ZNF35: variants seen among roughly 807,000 people sequenced by gnomAD.
ZNF35 encodes zinc finger protein 35 (clone HF.10).
Under a neutral mutation model 45.9 loss-of-function variants are expected in ZNF35, and 31 were observed. The ratio of observed to expected loss-of-function variants is 0.68; its 90% CI spans 0.51 to 0.91. The LOEUF (loss-of-function observed/expected upper bound fraction) is 0.91, where lower values mean the gene tolerates loss of function less well. Among genes scored for constraint, ZNF35 ranks in the 40% least tolerant of loss-of-function variants. The probability of loss-of-function intolerance (pLI) is 0.00; values close to 1 mark genes in which losing one functional copy is unlikely to be tolerated. For synonymous variants in ZNF35, 205 were observed against 220.2 expected, an observed-to-expected ratio of 0.93 and a Z score of 0.61; for missense variants, 515 against 625.4, an observed-to-expected ratio of 0.82 and a Z score of 1.88.
Position 44,660,215 on chromosome 3 carries a change from G to C in ZNF35, c.*268G>C, listed in dbSNP as rs749394451. Reference sequence around the variant, plus strand: ...AGTGGAATGTGGCTTTCCTAGGAATGGGTCGTACAAAGCTAAGTGGTAATG... The same window carrying C: ...AGTGGAATGTGGCTTTCCTAGGAATCGGTCGTACAAAGCTAAGTGGTAATG... On this transcript the variant is annotated 3_prime_UTR_variant, in exon 4 of 4. Coordinates refer to ENST00000396056, the MANE Select transcript of ZNF35 (RefSeq NM_003420.4). 1.3e-5 allele frequency: 4 copies of C among 317,752 alleles called. No individual in the cohort carries two copies. The highest frequency in any genetic ancestry group is 2.3e-5 in the Non-Finnish European group (4 of 173,614). 19.7% of individuals were successfully genotyped at this position (317,752 alleles called of 1,614,324 possible).
At chr3:44,657,732 G>T (rs1487677297) in intron 3 of ZNF35, among the ~76,000 whole-genome samples, 3 of 152,156 alleles carry the variant, frequency 2.0e-5, no homozygotes, top group African/African-American at 7.2e-5. Flanking sequence ...CTGACACAAG[G>T]GTAAGAGTTT....
rs777749084 is a variant in ZNF35 at position 44,660,175 on chromosome 3, G to A, written c.*228G>A. ...ACTTTGTTTTAACTGTACCTTAAGC[G>A]GTCATGTTCTCTGAAGTGGAATGTG... On this transcript the variant is annotated 3_prime_UTR_variant, in exon 4 of 4. Transcript: ENST00000396056. 3.5e-5 allele frequency: 14 copies of A among 398,222 alleles called. No individual in the cohort carries two copies. Among genetic ancestry groups the A allele is most frequent in the East Asian group, 2.7e-4 (7 of 26,138 alleles). The allele number at this position is 398,222 out of a possible 1,614,324, so 24.7% of individuals were successfully genotyped here.
chr3:44,651,156 C>T lies in ZNF35; in HGVS notation c.89C>T (p.Pro30Leu). Residue 30 changes from proline (P) to leucine (L), a missense_variant, in exon 2 of 4, where the codon CCA becomes CTA. Transcript: ENST00000396056. The part of the protein sequence containing the change: ...KKEEEEEENF[P>L]GQASSQQVHS... ...GAGGAGGAAGAAGAAGAAAACTTCC[C>T]AGGTCAGGCATCCAGCCAACAAGTG... The T allele has an allele frequency of 6.2e-7, 1 of 1,614,124 alleles. No individual in the cohort carries two copies. Among genetic ancestry groups the T allele is most frequent in the Non-Finnish European group, 8.5e-7 (1 of 1,180,010 alleles).
chr3:44,657,915 T>C (rs985839271), intron 3 of ZNF35, among the ~76,000 whole-genome samples: 34 of 152,230 alleles, frequency 2.2e-4, no homozygotes, highest in African/African-American at 7.7e-4. Flanking sequence ...ATCTGAGTAG[T>C]TGACATAGAG....
chr3:44,651,847 AAG>A (rs1414832808), intron 2 of ZNF35, among the ~76,000 whole-genome samples: 1 of 151,930 alleles, frequency 6.6e-6, no homozygotes, highest in Non-Finnish European at 1.5e-5. Flanking sequence ...AAAAAAAAAA[AAG>A]AATCTAAGGG....
At position 44,658,956 on chromosome 3, in the gene ZNF35, A is replaced by C; in HGVS notation, c.593A>C (p.Lys198Thr). 1 of 1,614,080 alleles carries C rather than the reference A, an allele frequency of 6.2e-7. No homozygotes were observed. The highest frequency in any genetic ancestry group is 8.5e-7 in the Non-Finnish European group (1 of 1,180,022). Reference protein sequence around the residue: ...FKEEENQKCKKSGGKYSLNSG... With the variant: ...FKEEENQKCKTSGGKYSLNSG... Reference sequence around the variant, plus strand: ...GAAGAGGAAAACCAGAAATGTAAGAAATCTGGAGGAAAATATAGCCTTAAT... The same window carrying C: ...GAAGAGGAAAACCAGAAATGTAAGACATCTGGAGGAAAATATAGCCTTAAT... Residue 198 changes from lysine to threonine, a missense_variant, in exon 4 of 4, where the codon AAA (lysine) becomes ACA (threonine). Transcript: ENST00000396056.
Position 44,659,716 on chromosome 3 carries a change from T to C in ZNF35, c.1353T>C (p.Cys451=). 3 of 1,613,976 alleles carry C rather than the reference T, an allele frequency of 1.9e-6. No homozygotes were observed. The highest frequency in any genetic ancestry group is 2.5e-6 in the Non-Finnish European group (3 of 1,179,988). ...ATCTTCCTTACGTGTGTAATGAATG[T>C]GGGAAGGCCTTCACATGTAGCTCAT... ...SGDLPYVCNE[C]GKAFTCSSYL... is the part of the protein sequence containing the mutation. The change falls in exon 4 of 4, where the codon TGT becomes TGC. Residue 451 remains cysteine (C), a synonymous_variant. Transcript: ENST00000396056. The surrounding 1 kb of genome is among the most constrained non-coding windows in gnomAD (Gnocchi z 4.3).
upstream of ZNF35, chr3:44,647,815 G>C (rs1243474000): frequency 1.3e-5 from 2 of 152,188 alleles, no homozygotes; most frequent in Non-Finnish European, 2.9e-5. Flanking sequence ...AAAATGGGGA[G>C]AGGGTTGGAT....
At chr3:44,650,863 G>T in intron 1 of ZNF35, 78 bp from the exon 2 acceptor site, 1 of 507,820 alleles carries the variant, frequency 2.0e-6, no homozygotes, top group Non-Finnish European at 3.4e-6. Context: ...AAATTTGCCG[G>T]TGTGGCATCC....
At position 44,658,775 on chromosome 3, in the gene ZNF35, A is replaced by G. The variant is rs775514273; in HGVS notation, c.412A>G (p.Ile138Val). The change falls in exon 4 of 4, where the codon ATA becomes GTA. Residue 138 changes from isoleucine to valine, a missense_variant. Ile to Val is a conservative substitution (Grantham distance 29). This residue lies in a region of ZNF35 where 275 missense variants were observed against 295.7 expected (regional missense o/e 0.93). Coordinates refer to ENST00000396056, the MANE Select transcript of ZNF35 (RefSeq NM_003420.4). Reference protein sequence around the residue: ...ICEEAEKPLIISERIQKADPQ... With the variant: ...ICEEAEKPLIVSERIQKADPQ... ...TGAGGAAGCTGAAAAACCCCTCATC[A>G]TATCAGAAAGAATCCAGAAAGCTGA... 15 of 1,604,714 alleles carry G rather than the reference A, an allele frequency of 9.3e-6. No homozygotes were observed. The highest frequency in any genetic ancestry group is 4.5e-5 in the East Asian group (2 of 44,862).
At position 44,659,828 on chromosome 3, in the gene ZNF35, C is replaced by A. The variant is rs1445789534; in HGVS notation, c.1465C>A (p.Leu489Ile). The A allele has an allele frequency of 3.1e-6, 5 of 1,613,838 alleles. No individual in the cohort carries two copies. The South Asian group carries it at 5.5e-5, about 18-fold the overall frequency. Residue 489 changes from leucine (L) to isoleucine (I), a missense_variant, in exon 4 of 4, where the codon CTC becomes ATC. Leu to Ile is a conservative substitution (Grantham distance 5). This residue lies in a region of ZNF35 where 232 missense variants were observed against 304.6 expected (regional missense o/e 0.76). Coordinates refer to ENST00000396056, the MANE Select transcript of ZNF35 (RefSeq NM_003420.4). The surrounding 1 kb of genome is among the most constrained non-coding windows in gnomAD (Gnocchi z 4.3). ...GAAGGCCTTCAGACAGAGGTCGAGC[C>A]TCACCGTGCACCAGAGAACCCACAC... Reference protein sequence around the residue: ...CGKAFRQRSSLTVHQRTHTGE... With the variant: ...CGKAFRQRSSITVHQRTHTGE...
chr3:44,656,917 A>C (rs573751992), intron 3 of ZNF35, among the ~76,000 whole-genome samples: 1 of 150,770 alleles, frequency 6.6e-6, no homozygotes, highest in African/African-American at 2.4e-5. Flanking sequence ...GGCCGTTCTC[A>C]AACTCCTGAC....
upstream of ZNF35, chr3:44,646,763 G>A: frequency 2.2e-6 from 1 of 455,380 alleles, no homozygotes; most frequent in Non-Finnish European, 3.9e-6. Context: ...TAATACTAGA[G>A]AGCCGTTAGG....
chr3:44,654,860 G>A (rs1165558154), intron 3 of ZNF35, among the ~76,000 whole-genome samples: 7 of 152,086 alleles, frequency 4.6e-5, no homozygotes, highest in Admixed American at 2.6e-4. Flanking sequence ...TTGGCCGGGC[G>A]CAGTGGCTCA....
chr3:44,655,707 A>G (rs896941544), intron 3 of ZNF35, among the ~76,000 whole-genome samples: 1 of 152,248 alleles, frequency 6.6e-6, no homozygotes, highest in African/African-American at 2.4e-5. Context: ...GCACTTGCCA[A>G]GACCCCAGGT....
intron 1 of ZNF35, among the ~76,000 whole-genome samples, chr3:44,649,438 G>A (rs1417488059): frequency 2.0e-5 from 3 of 152,088 alleles, no homozygotes; most frequent in African/African-American, 7.2e-5. Context: ...CAGCAACAGG[G>A]GATTGAATAA....
chr3:44,650,167 T>G (rs1703164311), intron 1 of ZNF35, among the ~76,000 whole-genome samples: 1 of 152,110 alleles, frequency 6.6e-6, no homozygotes, highest in African/African-American at 2.4e-5. Flanking sequence ...GAGTGAAGAT[T>G]TATCAACACC....
At position 44,658,727 on chromosome 3, in the gene ZNF35, C is replaced by T. The variant is rs1259089815; in HGVS notation, c.364C>T (p.Leu122=). 2.5e-6 allele frequency: 4 copies of T among 1,578,552 alleles called. No individual in the cohort carries two copies. The highest frequency in any genetic ancestry group is 2.6e-6 in the Non-Finnish European group (3 of 1,170,486). The change falls in exon 4 of 4, where the codon CTG becomes TTG. Residue 122 remains leucine, a synonymous_variant. Transcript: ENST00000396056. ...TGCTGAAACCAAGAACCTACAGTTA[C>T]TGGTTCCAAAAACTGAGATATGTGA... ...LGAETKNLQL[L]VPKTEICEEA... is the part of the protein sequence containing the mutation.
intron 3 of ZNF35, among the ~76,000 whole-genome samples, chr3:44,654,190 T>G (rs530624112): frequency 6.6e-6 from 1 of 152,328 alleles, no homozygotes; most frequent in African/African-American, 2.4e-5. Flanking sequence ...ACTTTGCCTC[T>G]TACCTCAAGA....
Sources: gnomAD v4.1 joint callset for allele counts (sites outside exome capture counted in the v4.1 genomes callset) on GRCh38, gnomAD v4.1.1 for gene constraint, gnomAD v4.1.1 regional missense constraint, Gnocchi (gnomAD v3.1) non-coding constraint, MANE v1.5 for transcripts, NCBI Gene and HGNC (gene_info 2026-07-23, HGNC 2026-07-21) for gene names.